Variants in FAM184A observed in about 807,000 individuals in gnomAD.
FAM184A encodes protein FAM184A.
A neutral mutation model predicts 143.8 loss-of-function variants in FAM184A; 99 were observed. The ratio of observed to expected loss-of-function variants is 0.69; its 90% confidence interval spans 0.58 to 0.81. The LOEUF (loss-of-function observed/expected upper bound fraction) is 0.81. Ranked by LOEUF, FAM184A falls within the 40% of genes least tolerant of loss-of-function variation. The pLI is 0.00. For synonymous variants in FAM184A, 427 were observed against 446.4 expected (o/e 0.96, Z 0.55); for missense variants, 1,217 against 1,310.5 (o/e 0.93, Z 1.10).
In FAM184A at chr6:119,003,635, A is replaced by C. The variant is rs759092694; in HGVS notation, c.1816-13T>G. 6.3e-7 allele frequency: 1 copy of C among 1,592,812 alleles called. No homozygotes were observed. The highest frequency in any genetic ancestry group is 1.2e-5 in the South Asian group (1 of 85,818). On this transcript the variant is annotated splice_polypyrimidine_tract_variant and intron_variant, in intron 7 of 17. Coordinates refer to ENST00000338891, the MANE Select transcript of FAM184A (RefSeq NM_024581.6). ...GTTCTAGCTCACCCTGAAGAATAAA[A>C]ACTTTTCAATGAAGACTAAACTTCA...
intron 1 of FAM184A, among the ~76,000 whole-genome samples, chr6:119,060,023 T>A (rs1257941029): frequency 6.6e-6 from 1 of 152,224 alleles, no homozygotes; most frequent in East Asian, 1.9e-4. Flanking sequence ...ACAGTGTATA[T>A]GACTCTTTGT....
In FAM184A at chr6:119,078,267, GTGC is replaced by G. The variant is rs1787951933; in HGVS notation, c.30_32del (p.Gln10del). 5.2e-6 allele frequency: 8 copies of G among 1,529,948 alleles called. No homozygotes were observed. The highest frequency in any genetic ancestry group is 6.1e-6 in the Non-Finnish European group (7 of 1,142,364). The allele number at this position is 1,529,948 out of a possible 1,614,324, so 94.8% of individuals were successfully genotyped here. Reference sequence around the variant, plus strand: ...ATTTGGCCGCCGAGCCGCCGTAATAGTGCTGCTGCCAGCTCATGCCCGGGGTCG... The same window carrying G: ...ATTTGGCCGCCGAGCCGCCGTAATAGTGCTGCCAGCTCATGCCCGGGGTCG... On this transcript the variant is annotated inframe_deletion, in exon 1 of 18. Coordinates refer to ENST00000338891, the MANE Select transcript of FAM184A (RefSeq NM_024581.6). This position sits in a 1 kb window ranked among gnomAD's most constrained non-coding sequence, Gnocchi z 5.5.
chr6:119,104,834 T>G (rs981418362), intron 1 of FAM184A, among the ~76,000 whole-genome samples: 8 of 152,286 alleles, frequency 5.3e-5, no homozygotes, highest in African/African-American at 1.9e-4. Context: ...AACTAGGTGA[T>G]CAAGGTCAAC....
At chr6:119,148,207 C>T (rs1434752797) in intron 1 of FAM184A, among the ~76,000 whole-genome samples, 2 of 152,150 alleles carry the variant, frequency 1.3e-5, no homozygotes, top group Non-Finnish European at 2.9e-5. Context: ...AAGCACTTTC[C>T]TGGGAAGGAG....
At chr6:119,008,752 T>G (rs1393759697) in intron 6 of FAM184A, among the ~76,000 whole-genome samples, 2 of 152,210 alleles carry the variant, frequency 1.3e-5, no homozygotes, top group Non-Finnish European at 2.9e-5. Flanking sequence ...CCACTCTCCT[T>G]GCAACACTAC....
At position 119,078,155 on chromosome 6, in the gene FAM184A, C is replaced by T. The variant is rs2114801532; in HGVS notation, c.145G>A (p.Ala49Thr). The T allele has an allele frequency of 6.3e-7, 1 of 1,591,146 alleles. No homozygotes were observed. The highest frequency in any genetic ancestry group is 8.5e-7 in the Non-Finnish European group (1 of 1,170,598). The change falls in exon 1 of 18, where the codon GCC becomes ACC. Residue 49 changes from alanine (A) to threonine (T), a missense_variant. Physicochemically the swap from Ala to Thr is moderately conservative, Grantham distance 58. Coordinates refer to ENST00000338891, the MANE Select transcript of FAM184A (RefSeq NM_024581.6). The surrounding 1 kb of genome is among the most constrained non-coding windows in gnomAD (Gnocchi z 5.5). ...GCCCCCCTTACCTTGGTGAGCTGGGCGATTTTCTTGCTCATTTTCAGGTGC... is the reference window on the plus strand; with the variant it reads ...GCCCCCCTTACCTTGGTGAGCTGGGTGATTTTCTTGCTCATTTTCAGGTGC... ...EMHLKMSKKIAQLTKVIYALN... is the reference protein window; with the variant it reads ...EMHLKMSKKITQLTKVIYALN...
intron 15 of FAM184A, among the ~76,000 whole-genome samples, chr6:118,965,672 A>AC (rs758160037): frequency 3.3e-5 from 5 of 152,182 alleles, no homozygotes; most frequent in Non-Finnish European, 7.4e-5. Flanking sequence ...CTCACAGTCC[A>AC]CGGAATCAGG....
In FAM184A at chr6:119,006,521, C is replaced by T. The variant is rs766274838; in HGVS notation, c.1741G>A (p.Glu581Lys). ...AAGTCAAGCTCATTCTGAAGCCTTT[C>T]CTGGGAGTCCTGAAGACTAGCAATA... ...GLIASLQDSQ[E>K]RLQNELDLTK... The change falls in exon 7 of 18, where the codon GAA becomes AAA. Residue 581 changes from glutamate to lysine, a missense_variant. Transcript: ENST00000338891. 1.9e-6 allele frequency: 3 copies of T among 1,613,998 alleles called. No individual in the cohort carries two copies. The highest frequency in any genetic ancestry group is 1.7e-5 in the Admixed American group (1 of 60,014).
intron 1 of FAM184A, among the ~76,000 whole-genome samples, chr6:119,122,576 G>C (rs1789246824): frequency 6.6e-6 from 1 of 152,082 alleles, no homozygotes; most frequent in Non-Finnish European, 1.5e-5. Context: ...ATTTATGAAA[G>C]GAGAAACGTG....
At chr6:119,034,879 T>A (rs1786052310) in intron 1 of FAM184A, among the ~76,000 whole-genome samples, 1 of 152,116 alleles carries the variant, frequency 6.6e-6, no homozygotes, top group South Asian at 2.1e-4. Flanking sequence ...GACTCAGTAT[T>A]AAGAGATAAG....
intron 1 of FAM184A, among the ~76,000 whole-genome samples, chr6:119,129,088 C>T (rs1338847376): frequency 1.3e-5 from 2 of 152,200 alleles, no homozygotes; most frequent in African/African-American, 4.8e-5. Flanking sequence ...ATCAGGAAGT[C>T]TTTGAATCTA....
intron 14 of FAM184A, among the ~76,000 whole-genome samples, chr6:118,970,664 C>T (rs1463195530): frequency 1.3e-5 from 2 of 152,076 alleles, no homozygotes; most frequent in Admixed American, 1.3e-4. Flanking sequence ...CTTGAGAATA[C>T]CACACAAGTG....
chr6:119,134,039 C>T lies in FAM184A; in HGVS notation c.-202+15039G>A, dbSNP rs534866775. Among the ~76,000 whole-genome samples, 16 of 152,018 alleles carry T rather than the reference C, an allele frequency of 1.1e-4. No individual in the cohort carries two copies. In the South Asian group the frequency reaches 1.5e-3, roughly 14 times the overall value. The stretch of plus-strand genomic sequence containing the variant: ...CAAAATACACAGGAAAAGATTAATA[C>T]ACTCAGTTACGTTAAGACTAAAAAT... On this transcript the variant is annotated intron_variant, in intron 1 of 16. Coordinates refer to the FAM184A transcript ENST00000352896.
intron 13 of FAM184A, 68 bp downstream of exon 13, chr6:118,974,956 A>C (rs1783803390): frequency 4.7e-6 from 6 of 1,283,584 alleles, no homozygotes; most frequent in Non-Finnish European, 6.5e-6. Flanking sequence ...AGCATAGATT[A>C]CTAAATATCA....
chr6:118,999,695 A>G (rs1278657776), intron 9 of FAM184A, among the ~76,000 whole-genome samples: 1 of 152,104 alleles, frequency 6.6e-6, no homozygotes, highest in African/African-American at 2.4e-5. Context: ...ATGCTGGTAA[A>G]TGTTTAACAG....
At position 119,055,339 on chromosome 6, in the gene FAM184A, T is replaced by A. The variant is rs1786924507; in HGVS notation, c.159+22802A>T. On this transcript the variant is annotated intron_variant, in intron 1 of 17. Transcript: ENST00000338891. The stretch of plus-strand genomic sequence containing the variant: ...TTTCCATTCTTAGCTATTACAAATA[T>A]GTAATGCTGCTGTGATCGTTTGTAT... 2.0e-5 allele frequency among the ~76,000 whole-genome samples: 3 copies of A among 152,356 alleles called. No individual in the cohort carries two copies. In the South Asian group the frequency reaches 6.2e-4, roughly 32 times the overall value.
intron 1 of FAM184A, among the ~76,000 whole-genome samples, chr6:119,052,164 T>C (rs1378344670): frequency 6.6e-6 from 1 of 152,232 alleles, no homozygotes; most frequent in East Asian, 1.9e-4. Flanking sequence ...TCAAGCATAA[T>C]TCAAAGACTG....
At chr6:118,983,022 T>A (rs1177481338) in intron 9 of FAM184A, among the ~76,000 whole-genome samples, 1 of 152,236 alleles carries the variant, frequency 6.6e-6, no homozygotes, top group African/African-American at 2.4e-5. Flanking sequence ...AAAGATATGA[T>A]CATGCAATTT....
chr6:119,014,758 C>T (rs566865775), intron 5 of FAM184A, among the ~76,000 whole-genome samples: 8 of 152,280 alleles, frequency 5.3e-5, no homozygotes, highest in African/African-American at 1.9e-4. Context: ...AGACAGAAAC[C>T]ATCAAAATGA....
Sources: allele counts gnomAD v4.1 joint callset (sites outside exome capture counted in the v4.1 genomes callset), GRCh38; gene constraint gnomAD v4.1.1; non-coding constraint Gnocchi (gnomAD v3.1); transcripts MANE v1.5; gene names NCBI Gene and HGNC (gene_info 2026-07-23, HGNC 2026-07-21).